NLRC4: variants seen among roughly 807,000 people sequenced by gnomAD.
NLRC4 encodes NLR family CARD domain containing 4.
A neutral mutation model predicts 79.9 loss-of-function variants in NLRC4; 63 were observed. That is an observed-to-expected ratio of 0.79 (90% CI 0.64 to 0.97). NLRC4 has a LOEUF of 0.97. Ranked by LOEUF, NLRC4 falls within the 50% of genes least tolerant of loss-of-function variation. The probability of loss-of-function intolerance (pLI) is 0.00; values close to 1 mark genes in which losing one functional copy is unlikely to be tolerated. For synonymous variants in NLRC4, 461 were observed against 456.5 expected (o/e 1.01, Z -0.12); for missense variants, 1,074 against 1,215.2 (o/e 0.88, Z 1.73).
In NLRC4 at chr2:32,261,320, TG is replaced by T. The variant is rs200344971; in HGVS notation, c.-119+3417del. 2.0e-4 allele frequency among the ~76,000 whole-genome samples: 19 copies of T among 94,926 alleles called. 2 individuals carry two copies. Among genetic ancestry groups the T allele is most frequent in the Non-Finnish European group, 2.3e-4 (10 of 43,628 alleles). The allele number at this position is 94,926 out of a possible 152,430, so 62.3% of individuals were successfully genotyped here. On this transcript the variant is annotated intron_variant, in intron 1 of 8. Transcript: ENST00000402280. ...TTCGCCTATTAAGCCTCCCCCCTTTTGTTTTTTTTTGAGATGGAGCCTCGCT... is the reference window on the plus strand; with the variant it reads ...TTCGCCTATTAAGCCTCCCCCCTTTTTTTTTTTTTGAGATGGAGCCTCGCT...
At chr2:32,252,383 C>G in intron 3 of NLRC4, 36 bp downstream of exon 3, 2 of 1,525,070 alleles carry the variant, frequency 1.3e-6, no homozygotes, top group Middle Eastern at 1.7e-4. Flanking sequence ...GTCTATTCTA[C>G]TTGCAGAAAC....
intron 6 of NLRC4, 128 bp from the exon 7 acceptor site, chr2:32,236,467 G>A (rs1686676149): frequency 3.2e-6 from 2 of 627,576 alleles, no homozygotes; most frequent in East Asian, 2.9e-5. Context: ...AACTTGCCTT[G>A]GTTATTTTAA....
At chr2:32,238,796 C>T (rs1213011975) in intron 5 of NLRC4, among the ~76,000 whole-genome samples, 1 of 152,104 alleles carries the variant, frequency 6.6e-6, no homozygotes, top group Non-Finnish European at 1.5e-5. Flanking sequence ...GAATGAAGAC[C>T]ACATCCACTG....
At chr2:32,228,426 C>T (rs1686454296) in intron 8 of NLRC4, among the ~76,000 whole-genome samples, 1 of 152,172 alleles carries the variant, frequency 6.6e-6, no homozygotes, top group South Asian at 2.1e-4. Context: ...CTTAGACACA[C>T]AGAACTCCCT....
At chr2:32,233,341 ATATATATATTTTT>A (rs1686594229) in intron 8 of NLRC4, among the ~76,000 whole-genome samples, 1 of 45,444 alleles carries the variant, frequency 2.2e-5, no homozygotes, top group African/African-American at 1.1e-4. Context: ...ATATATATAT[ATATATATATTTTT>A]TTTTTTTTTT....
chr2:32,238,667 G>GT (rs1281149369), intron 5 of NLRC4, among the ~76,000 whole-genome samples: 1 of 151,518 alleles, frequency 6.6e-6, no homozygotes, highest in African/African-American at 2.4e-5. Flanking sequence ...TAAACAGCGG[G>GT]GGGGCTGAGT....
intron 1 of NLRC4, 106 bp from the exon 2 acceptor site, chr2:32,256,999 C>T: frequency 2.0e-6 from 1 of 490,066 alleles, no homozygotes; most frequent in Non-Finnish European, 3.7e-6. Flanking sequence ...TGACCCAAAC[C>T]AGAAAAAAAC....
At chr2:32,253,835 A>G (rs1320550154) in intron 2 of NLRC4, among the ~76,000 whole-genome samples, 1 of 151,164 alleles carries the variant, frequency 6.6e-6, no homozygotes, top group African/African-American at 2.5e-5. Flanking sequence ...GTGGTGGTGC[A>G]TGCCTGTAGT....
In NLRC4 at chr2:32,251,419, C is replaced by T. The variant is rs572809664; in HGVS notation, c.445G>A (p.Val149Met). 1.6e-5 allele frequency: 26 copies of T among 1,614,086 alleles called. No individual in the cohort carries two copies. The South Asian group carries it at 1.6e-4, about 10-fold the overall frequency. Residue 149 changes from valine to methionine, a missense_variant, in exon 4 of 9, where the codon GTG becomes ATG. Coordinates refer to ENST00000402280, the MANE Select transcript of NLRC4 (RefSeq NM_001199138.2). ...AGGCCATTCAGGGTCAGCTGCTCCA[C>T]GCGGTGATGGTGTTGGTCCTTCCTC... The part of the protein sequence containing the change: ...LWRKDQHHHR[V>M]EQLTLNGLLQ...
chr2:32,239,963 T>G (rs986598478), intron 5 of NLRC4, among the ~76,000 whole-genome samples: 1 of 152,112 alleles, frequency 6.6e-6, no homozygotes, highest in African/African-American at 2.4e-5. Context: ...GGAAAAGAAG[T>G]CAGCCATGTT....
At chr2:32,237,359 G>A (rs192771653) in intron 6 of NLRC4, among the ~76,000 whole-genome samples, 101 of 152,192 alleles carry the variant, frequency 6.6e-4, no homozygotes, top group Non-Finnish European at 2.9e-4. Flanking sequence ...AAAAGAGTAC[G>A]TTTGCTATTT....
intron 4 of NLRC4, among the ~76,000 whole-genome samples, chr2:32,246,344 C>G (rs1453225831): frequency 1.3e-5 from 2 of 152,158 alleles, no homozygotes; most frequent in African/African-American, 4.8e-5. Context: ...CTTCCTGACA[C>G]AGAAGGTAGT....
Position 32,251,031 on chromosome 2 carries a change from G to A in NLRC4, c.833C>T (p.Thr278Ile), listed in dbSNP as rs748803880. 2.9e-5 allele frequency: 47 copies of A among 1,614,080 alleles called. No homozygotes were observed. Among genetic ancestry groups the A allele is most frequent in the Non-Finnish European group, 3.8e-5 (45 of 1,180,044 alleles). ...NHRFKNMVIV[T>I]TTTECLRHIR... ...GTGCCTCAGGCACTCAGTGGTAGTG[G>A]TGACGATGACCATGTTCTTGAAGCG... is the stretch of plus-strand genomic sequence containing the variant. The change falls in exon 4 of 9, where the codon ACC becomes ATC. Residue 278 changes from threonine to isoleucine, a missense_variant. Coordinates refer to ENST00000402280, the MANE Select transcript of NLRC4 (RefSeq NM_001199138.2).
chr2:32,250,485 G>A lies in NLRC4; in HGVS notation c.1379C>T (p.Thr460Met), dbSNP rs1206027883. 6 of 1,614,102 alleles carry A rather than the reference G, an allele frequency of 3.7e-6. No homozygotes were observed. Among genetic ancestry groups the A allele is most frequent in the Non-Finnish European group, 5.1e-6 (6 of 1,180,048 alleles). The change falls in exon 4 of 9, where the codon ACG (threonine) becomes ATG (methionine). Residue 460 changes from threonine (T) to methionine (M), a missense_variant. Transcript: ENST00000402280. The surrounding 1 kb of genome is among the most constrained non-coding windows in gnomAD (Gnocchi z 4.9). The stretch of plus-strand genomic sequence containing the variant: ...GGTCACCTCCTCTGGCTCATGAGAC[G>A]TCAATAAACTGCTGAGTCTTCGTCC... ...TAGRRLSSLL[T>M]SHEPEEVTKG...
chr2:32,261,315 C>CTTT (rs1558464069), intron 1 of NLRC4, among the ~76,000 whole-genome samples: 6 of 81,572 alleles, frequency 7.4e-5, no homozygotes, highest in African/African-American at 2.9e-4. Context: ...AAGCCTCCCC[C>CTTT]CTTTTGTTTT....
chr2:32,261,549 A>G (rs1687351119), intron 1 of NLRC4, among the ~76,000 whole-genome samples: 1 of 148,188 alleles, frequency 6.7e-6, no homozygotes, highest in Non-Finnish European at 1.5e-5. Context: ...TGATCTTGTG[A>G]TCTGCCTGCC....
chr2:32,262,938 TTA>T (rs548484298), intron 1 of NLRC4, among the ~76,000 whole-genome samples: 1 of 150,440 alleles, frequency 6.6e-6, no homozygotes. Context: ...ATAATATATA[TTA>T]TATATATATA....
At chr2:32,247,974 G>A (rs1249300932) in intron 4 of NLRC4, among the ~76,000 whole-genome samples, 13 of 152,138 alleles carry the variant, frequency 8.5e-5, no homozygotes, top group Admixed American at 8.5e-4. Context: ...GTGTACACAT[G>A]GAGATAGAAA....
At chr2:32,259,262 ATTTTTTTTTTTT>A (rs57570626) in intron 1 of NLRC4, among the ~76,000 whole-genome samples, 8,701 of 52,950 alleles carry the variant, frequency 0.16, 896 homozygotes, top group Middle Eastern at 0.21. Flanking sequence ...TGCCTGGCTA[ATTTTTTTTTTTT>A]TTTTTTTTTT....
Sources: allele counts gnomAD v4.1 joint callset (sites outside exome capture counted in the v4.1 genomes callset), GRCh38; gene constraint gnomAD v4.1.1; non-coding constraint Gnocchi (gnomAD v3.1); transcripts MANE v1.5; gene names NCBI Gene and HGNC (gene_info 2026-07-23, HGNC 2026-07-21).